Variants in NXPE2 observed in about 807,000 individuals in gnomAD.
The protein encoded by NXPE2 is neurexophilin and PC-esterase domain family member 2, also known as NXPE family member 2.
NXPE2 carries 34 observed loss-of-function variants against 34.4 expected under a neutral mutation model. The ratio of observed to expected loss-of-function variants is 0.99; its 90% CI spans 0.75 to 1.31. The LOEUF (loss-of-function observed/expected upper bound fraction) is 1.31, where lower values mean the gene tolerates loss of function less well. Ranked by LOEUF, NXPE2 falls within the 40% of genes most tolerant of loss-of-function variation. The probability of loss-of-function intolerance (pLI) is 0.00; values close to 1 mark genes in which losing one functional copy is unlikely to be tolerated. For synonymous variants in NXPE2, 235 were observed against 231.3 expected, an observed-to-expected ratio of 1.02 and a Z score of -0.15; for missense variants, 649 against 672.5, an observed-to-expected ratio of 0.97 and a Z score of 0.39.
chr11:114,637,139 A>G, the NXPE2 span, among the ~76,000 whole-genome samples: 2 of 151,568 alleles, frequency 1.3e-5, no homozygotes, highest in African/African-American at 2.4e-5. Context: ...TTATGAATCT[A>G]GGTGCTCCTG....
the NXPE2 span, among the ~76,000 whole-genome samples, chr11:114,643,891 A>T: frequency 2.6e-5 from 4 of 152,196 alleles, no homozygotes; most frequent in African/African-American, 9.6e-5. Context: ...CTTCCTATTC[A>T]TGAGCATGGA....
At position 114,706,831 on chromosome 11, in the gene NXPE2, T is replaced by A. The variant is rs373880942; in HGVS notation, c.1581T>A (p.Asp527Glu). Residue 527 changes from aspartate (D) to glutamate (E), a missense_variant, in exon 6 of 6, where the codon GAT becomes GAA. By Grantham distance (45) the Asp-to-Glu change is conservative. Coordinates refer to ENST00000389586, the MANE Select transcript of NXPE2 (RefSeq NM_182495.6). ...TGGATCTTAATGTGGGTATTATTGATGCCTGGGACATGACGATTGCATATT... is the reference window on the plus strand; with the variant it reads ...TGGATCTTAATGTGGGTATTATTGAAGCCTGGGACATGACGATTGCATATT... ...IFVDLNVGII[D>E]AWDMTIAYCT... is the part of the protein sequence containing the mutation. 3 of 1,552,156 alleles carry A rather than the reference T, an allele frequency of 1.9e-6. No homozygotes were observed. The highest frequency in any genetic ancestry group is 2.6e-6 in the Non-Finnish European group (3 of 1,146,932).
the NXPE2 span, chr11:114,529,575 A>C: frequency 1.3e-5 from 2 of 152,676 alleles, no homozygotes; most frequent in East Asian, 3.9e-4. Context: ...GTTTGCAGGA[A>C]TCACTAGGTC....
chr11:114,729,658 T>A, the NXPE2 span, among the ~76,000 whole-genome samples: 29 of 152,250 alleles, frequency 1.9e-4, no homozygotes, highest in South Asian at 2.9e-3. Flanking sequence ...TGATTATTAG[T>A]GATGTTGGGC....
At chr11:114,493,915 TTTG>T in the NXPE2 span, among the ~76,000 whole-genome samples, 1 of 152,170 alleles carries the variant, frequency 6.6e-6, no homozygotes, top group Non-Finnish European at 1.5e-5. Flanking sequence ...TCCTTCAGCT[TTTG>T]TTTGGGAAAG....
chr11:114,670,967 C>T, the NXPE2 span, among the ~76,000 whole-genome samples: 1 of 149,996 alleles, frequency 6.7e-6, no homozygotes, highest in Admixed American at 6.7e-5. Context: ...TTAAAGGAAG[C>T]CCTGCTTAAA....
At chr11:114,540,854 T>TGGGC in the NXPE2 span, among the ~76,000 whole-genome samples, 1 of 60,008 alleles carries the variant, frequency 1.7e-5, no homozygotes, top group African/African-American at 1.5e-4. Context: ...TTTTTTTTTT[T>TGGGC]TTTTTTTTTT....
the NXPE2 span, among the ~76,000 whole-genome samples, chr11:114,760,660 T>G: frequency 6.6e-6 from 1 of 152,322 alleles, no homozygotes; most frequent in South Asian, 2.1e-4. Flanking sequence ...CAAAGGATTC[T>G]TGGCACCAGC....
At chr11:114,773,602 G>T in the NXPE2 span, among the ~76,000 whole-genome samples, 1 of 152,078 alleles carries the variant, frequency 6.6e-6, no homozygotes, top group Non-Finnish European at 1.5e-5. Flanking sequence ...TTATGTGTCA[G>T]CTTGACTAGG....
chr11:114,505,309 A>G, the NXPE2 span, among the ~76,000 whole-genome samples: 1 of 152,202 alleles, frequency 6.6e-6, no homozygotes, highest in African/African-American at 2.4e-5. Flanking sequence ...ATTTCAGGAT[A>G]TCAGCCATGA....
chr11:114,725,976 A>AAAAAATATAT, the NXPE2 span, among the ~76,000 whole-genome samples: 3 of 101,760 alleles, frequency 2.9e-5, no homozygotes, highest in African/African-American at 1.0e-4. Flanking sequence ...ATAAAAAAAA[A>AAAAAATATAT]ATATATATAT....
the NXPE2 span, among the ~76,000 whole-genome samples, chr11:114,641,715 C>T: frequency 6.6e-6 from 1 of 152,004 alleles, no homozygotes; most frequent in East Asian, 1.9e-4. Context: ...AGAATAAAAC[C>T]TAACTCTTAG....
At chr11:114,522,108 T>C in the NXPE2 span, 1 of 1,614,116 alleles carries the variant, frequency 6.2e-7, no homozygotes, top group Non-Finnish European at 8.5e-7. Flanking sequence ...ATATCCTTCA[T>C]GATAAGATAG....
the NXPE2 span, among the ~76,000 whole-genome samples, chr11:114,553,522 G>C: frequency 2.0e-5 from 3 of 152,168 alleles, no homozygotes; most frequent in Admixed American, 1.3e-4. Flanking sequence ...CAGAGTTTTG[G>C]AAATTTATTA....
the NXPE2 span, chr11:114,512,973 C>T: frequency 8.7e-6 from 3 of 342,928 alleles, no homozygotes; most frequent in East Asian, 7.5e-5. Context: ...GTTGGTGTCT[C>T]GCCCTCCAGA....
chr11:114,564,113 C>CTA, the NXPE2 span, among the ~76,000 whole-genome samples: 1 of 152,170 alleles, frequency 6.6e-6, no homozygotes, highest in Non-Finnish European at 1.5e-5. Context: ...TCATGGAATA[C>CTA]TACTCAGCCA....
chr11:114,760,628 A>G, the NXPE2 span, among the ~76,000 whole-genome samples: 28 of 152,354 alleles, frequency 1.8e-4, no homozygotes, highest in Non-Finnish European at 3.1e-4. Flanking sequence ...GTGCCTGTGA[A>G]CAGCAAGGTG....
downstream of NXPE2, among the ~76,000 whole-genome samples, chr11:114,711,049 AT>A (rs1373025670): frequency 2.0e-5 from 3 of 152,294 alleles, no homozygotes; most frequent in Admixed American, 6.5e-5. Context: ...ACATCCTTTC[AT>A]GATAAAAACA....
chr11:114,547,179 T>C, the NXPE2 span, among the ~76,000 whole-genome samples: 9 of 152,162 alleles, frequency 5.9e-5, no homozygotes, highest in Non-Finnish European at 1.5e-5. Context: ...AGAAACCTGA[T>C]GAACATCAGC....
Sources: gnomAD v4.1 joint callset for allele counts (sites outside exome capture counted in the v4.1 genomes callset) on GRCh38, gnomAD v4.1.1 for gene constraint, MANE v1.5 for transcripts, NCBI Gene and HGNC (gene_info 2026-07-23, HGNC 2026-07-21) for gene names.